Variants in RNLS observed in about 807,000 individuals in gnomAD.
RNLS encodes the protein renalase.
A neutral mutation model predicts 39.8 loss-of-function variants in RNLS; 39 were observed. The observed-to-expected ratio is 0.98, with a 90% CI of 0.76 to 1.28. The LOEUF (loss-of-function observed/expected upper bound fraction) is 1.28, where lower values mean the gene tolerates loss of function less well. Ranked by LOEUF, RNLS falls within the 50% of genes most tolerant of loss-of-function variation. RNLS has a pLI of 0.00. For missense variants in RNLS, 410 were observed against 413.3 expected (o/e 0.99, Z 0.07); for synonymous variants, 147 against 150.7 (o/e 0.98, Z 0.18).
chr10:88,185,368 G>A, the RNLS span, among the ~76,000 whole-genome samples: 1 of 151,864 alleles, frequency 6.6e-6, no homozygotes, highest in Admixed American at 6.6e-5. Context: ...GACTAGCTTT[G>A]GTCTCATTAA....
rs184940589 is a variant in RNLS at position 88,305,991 on chromosome 10, G to A, written c.876+8475C>T. On this transcript the variant is annotated intron_variant, in intron 6 of 6. Transcript: ENST00000331772. ...ATAACAAACAATCTCTCAGACCACA[G>A]CACAATCAAATTAGAAATCAAGACT... Among the ~76,000 whole-genome samples, 29 of 152,218 alleles carry A rather than the reference G, an allele frequency of 1.9e-4. No homozygotes were observed. The East Asian group carries it at 4.0e-3, about 21-fold the overall frequency.
At chr10:88,428,847 G>A (rs968125201) in intron 4 of RNLS, among the ~76,000 whole-genome samples, 1 of 151,944 alleles carries the variant, frequency 6.6e-6, no homozygotes, top group African/African-American at 2.4e-5. Flanking sequence ...AGCAGCCTGA[G>A]TACACAGTGC....
At chr10:88,450,534 G>A (rs1842304427) in intron 4 of RNLS, among the ~76,000 whole-genome samples, 1 of 152,188 alleles carries the variant, frequency 6.6e-6, no homozygotes, top group African/African-American at 2.4e-5. Context: ...AAAACCGGAA[G>A]TCAAAGGAGG....
At chr10:88,549,426 C>T (rs985972632) in intron 4 of RNLS, among the ~76,000 whole-genome samples, 5 of 151,284 alleles carry the variant, frequency 3.3e-5, no homozygotes, top group Admixed American at 2.0e-4. Flanking sequence ...AGTTGTCAGG[C>T]GTGGTGGTAT....
At chr10:88,331,834 C>T (rs1847136174) in intron 5 of RNLS, among the ~76,000 whole-genome samples, 2 of 152,008 alleles carry the variant, frequency 1.3e-5, no homozygotes, top group East Asian at 1.9e-4. Context: ...CTCAGCAGCA[C>T]CTGTAATGAA....
At chr10:88,543,355 C>A (rs990258408) in intron 4 of RNLS, among the ~76,000 whole-genome samples, 2 of 152,104 alleles carry the variant, frequency 1.3e-5, no homozygotes, top group Non-Finnish European at 2.9e-5. Flanking sequence ...TCAGGAACAA[C>A]CAAACACCAA....
In RNLS at chr10:88,347,913, C is replaced by T. The variant is rs78415883; in HGVS notation, c.700+14639G>A. Among the ~76,000 whole-genome samples, 626 of 152,160 alleles carry T rather than the reference C, an allele frequency of 4.1e-3. 17 individuals are homozygous for T. The highest frequency in any genetic ancestry group is 0.033 in the Admixed American group (505 of 15,270). On this transcript the variant is annotated intron_variant, in intron 5 of 6. Transcript: ENST00000331772. ...GCATCTTATCTTTATAAATGCTCCC[C>T]AGAAGAAAGAATAATCCTATTAAAA...
chr10:88,380,849 T>A (rs1851429977), intron 4 of RNLS, among the ~76,000 whole-genome samples: 1 of 152,222 alleles, frequency 6.6e-6, no homozygotes, highest in Admixed American at 6.5e-5. Context: ...AAAATCTAAC[T>A]CTTTTTAGAT....
At chr10:88,431,417 G>T (rs1249155701) in intron 4 of RNLS, among the ~76,000 whole-genome samples, 1 of 151,606 alleles carries the variant, frequency 6.6e-6, no homozygotes, top group Non-Finnish European at 1.5e-5. Context: ...TCTTGTCAAA[G>T]AAGCAAATTT....
intron 5 of RNLS, among the ~76,000 whole-genome samples, chr10:88,359,326 CA>C (rs1487445421): frequency 1.4e-5 from 2 of 143,246 alleles, no homozygotes; most frequent in Non-Finnish European, 3.1e-5. Context: ...AAAAAAAAAA[CA>C]AAAAAACTCT....
chr10:88,462,784 C>A (rs1842997662), intron 4 of RNLS, among the ~76,000 whole-genome samples: 1 of 151,030 alleles, frequency 6.6e-6, no homozygotes, highest in Admixed American at 6.6e-5. Flanking sequence ...AAAAACTTAT[C>A]AAGAATTCAC....
chr10:88,564,003 AACAT>A (rs1398355928), intron 4 of RNLS, among the ~76,000 whole-genome samples: 1 of 152,204 alleles, frequency 6.6e-6, no homozygotes, highest in East Asian at 1.9e-4. Context: ...ATTATAATTA[AACAT>A]ACATATGCAT....
chr10:88,401,004 A>G (rs1852878845), intron 4 of RNLS, among the ~76,000 whole-genome samples: 1 of 147,204 alleles, frequency 6.8e-6, no homozygotes. Context: ...TTTAATGAAC[A>G]TTTTAATTTT....
chr10:88,208,942 G>C, the RNLS span, among the ~76,000 whole-genome samples: 1 of 152,090 alleles, frequency 6.6e-6, no homozygotes, highest in African/African-American at 2.4e-5. Context: ...TTTGTGGTGG[G>C]ACAAAAGAGT....
intron 4 of RNLS, among the ~76,000 whole-genome samples, chr10:88,434,701 G>A (rs1052751382): frequency 6.6e-6 from 1 of 152,050 alleles, no homozygotes; most frequent in Non-Finnish European, 1.5e-5. Context: ...CATATTATTT[G>A]TGCACACAGG....
intron 5 of RNLS, among the ~76,000 whole-genome samples, chr10:88,354,988 T>C (rs1849038592): frequency 6.6e-6 from 1 of 152,246 alleles, no homozygotes; most frequent in African/African-American, 2.4e-5. Flanking sequence ...TGATACCCTT[T>C]CTTCCAGTTG....
intron 4 of RNLS, among the ~76,000 whole-genome samples, chr10:88,412,303 A>G (rs1311359003): frequency 1.3e-5 from 2 of 152,186 alleles, no homozygotes; most frequent in African/African-American, 4.8e-5. Flanking sequence ...CTTTAACTTC[A>G]TAAAATCCTT....
At chr10:88,562,507 T>A (rs1849254871) in intron 4 of RNLS, among the ~76,000 whole-genome samples, 1 of 152,194 alleles carries the variant, frequency 6.6e-6, no homozygotes. Flanking sequence ...ACTGTTAACA[T>A]CAGTTAGCTC....
At chr10:88,190,366 G>T in the RNLS span, among the ~76,000 whole-genome samples, 1 of 152,118 alleles carries the variant, frequency 6.6e-6, no homozygotes, top group Non-Finnish European at 1.5e-5. Context: ...ACCCTGGCCT[G>T]ACCCAGAGAA....
Sources: allele counts gnomAD v4.1 joint callset (sites outside exome capture counted in the v4.1 genomes callset), GRCh38; gene constraint gnomAD v4.1.1; transcripts MANE v1.5; gene names NCBI Gene and HGNC (gene_info 2026-07-23, HGNC 2026-07-21).